Variants in ADSL observed in about 807,000 individuals in gnomAD.
The protein encoded by ADSL is adenylosuccinate lyase.
ADSL carries 44 observed loss-of-function variants against 62.1 expected under a neutral mutation model. The observed-to-expected ratio is 0.71, with a 90% CI of 0.56 to 0.91. ADSL has a LOEUF of 0.91. Ranked by LOEUF, ADSL falls within the 40% of genes least tolerant of loss-of-function variation. ADSL has a pLI of 0.00. For missense variants in ADSL, 531 were observed against 627.4 expected (o/e 0.85, Z 1.64); for synonymous variants, 198 against 220.5 (o/e 0.90, Z 0.90).
intron 2 of ADSL, among the ~76,000 whole-genome samples, chr22:40,377,845 CAAAAA>C (rs35941683): frequency 4.9e-5 from 3 of 61,598 alleles, no homozygotes; most frequent in Non-Finnish European, 7.1e-5. Context: ...GACCCTGTCT[CAAAAA>C]AAAAAAAAAA....
rs199795882 is a variant in ADSL, at chr22:40,367,464, T to G, written c.*942T>G. 8 of 167,742 alleles carry G rather than the reference T, an allele frequency of 4.8e-5. No individual in the cohort carries two copies. The highest frequency in any genetic ancestry group is 1.0e-4 in the Non-Finnish European group (7 of 68,282). The allele number at this position is 167,742 out of a possible 1,614,324, so 10.4% of individuals were successfully genotyped here. On this transcript the variant is annotated 3_prime_UTR_variant, in exon 13 of 13. Coordinates refer to ENST00000623063, the MANE Select transcript of ADSL (RefSeq NM_000026.4). ...ATCTTGTTTTCTTTTTTTACTTGTT[T>G]ACAGTGTAAGCAAGTGCCATTGGAC...
In ADSL at chr22:40,356,514, G is replaced by A. The variant is rs543024866; in HGVS notation, c.482+2187G>A. Among the ~76,000 whole-genome samples the A allele has an allele frequency of 4.1e-5, 6 of 146,742 alleles. No individual in the cohort carries two copies. In the South Asian group the frequency reaches 1.1e-3, roughly 26 times the overall value. The stretch of plus-strand genomic sequence containing the variant: ...CGCGCCGCTGCACTCCAGCCTGGGC[G>A]ACAGAGTGAAATTCCGTCTCCAAAA... On this transcript the variant is annotated intron_variant, in intron 4 of 12. Transcript: ENST00000623063.
At chr22:40,365,455 G>A (rs1441101142) in intron 12 of ADSL, among the ~76,000 whole-genome samples, 1 of 152,126 alleles carries the variant, frequency 6.6e-6, no homozygotes, top group African/African-American at 2.4e-5. Context: ...CGTAACCTCT[G>A]GCATTTACTG....
rs189280660 is a variant in ADSL at position 40,377,757 on chromosome 22, G to T, written c.89+11259G>T. ...GCTACTTGGGAGGCTGAGGTGGGAAGATTACTTGAGCTTGGGAGGTCAAGG... is the reference window on the plus strand; with the variant it reads ...GCTACTTGGGAGGCTGAGGTGGGAATATTACTTGAGCTTGGGAGGTCAAGG... On this transcript the variant is annotated intron_variant, in intron 2 of 2. Coordinates refer to the ADSL transcript ENST00000498234. Among the ~76,000 whole-genome samples, 4 of 151,432 alleles carry T rather than the reference G, an allele frequency of 2.6e-5. No homozygotes were observed. The East Asian group carries it at 7.8e-4, about 30-fold the overall frequency.
At chr22:40,371,058 C>T (rs1321577927), downstream of ADSL, among the ~76,000 whole-genome samples, 3 of 152,242 alleles carry the variant, frequency 2.0e-5, no homozygotes, top group Admixed American at 1.3e-4. Context: ...GCCTGGCTGG[C>T]TCTGGCACCG....
intron 9 of ADSL, among the ~76,000 whole-genome samples, chr22:40,361,963 C>G (rs2146664778): frequency 6.6e-6 from 1 of 152,280 alleles, no homozygotes; most frequent in East Asian, 1.9e-4. Context: ...CAGGAGAAAA[C>G]ACACTTGAGG....
intron 2 of ADSL, among the ~76,000 whole-genome samples, chr22:40,378,506 A>G (rs2047028005): frequency 6.6e-6 from 1 of 152,026 alleles, no homozygotes; most frequent in Non-Finnish European, 1.5e-5. Context: ...AGGCGGGCAG[A>G]TCACTTGAAG....
At chr22:40,352,483 G>A (rs988422223) in intron 2 of ADSL, among the ~76,000 whole-genome samples, 10 of 152,202 alleles carry the variant, frequency 6.6e-5, no homozygotes, top group Admixed American at 3.3e-4. Flanking sequence ...AGCTGAGATC[G>A]CGCCACTGCA....
chr22:40,374,254 T>C (rs779562955), downstream of ADSL, among the ~76,000 whole-genome samples: 2 of 151,998 alleles, frequency 1.3e-5, no homozygotes, highest in Non-Finnish European at 2.9e-5. Flanking sequence ...GCCCAGCCAA[T>C]AGGGCGGTTT....
intron 2 of ADSL, among the ~76,000 whole-genome samples, chr22:40,374,815 G>A (rs1253232528): frequency 3.3e-5 from 5 of 152,208 alleles, no homozygotes; most frequent in African/African-American, 1.2e-4. Context: ...AGCTCAGGAG[G>A]TCGAAGTTGC....
At chr22:40,375,937 A>G (rs770839887) in intron 2 of ADSL, among the ~76,000 whole-genome samples, 1 of 151,672 alleles carries the variant, frequency 6.6e-6, no homozygotes, top group African/African-American at 2.4e-5. Flanking sequence ...CCTACTCAGG[A>G]TGCTGAGGCA....
rs200169254 is a variant in ADSL at position 40,349,883 on chromosome 22, C to A, written c.205C>A (p.Leu69Met). Residue 69 changes from leucine (L) to methionine (M), a missense_variant, in exon 2 of 13, where the codon CTG becomes ATG. By Grantham distance (15) the Leu-to-Met change is conservative. This residue lies in a region of ADSL where 471 missense variants were observed against 592.9 expected (regional missense o/e 0.79). Transcript: ENST00000623063. The part of the protein sequence containing the change: ...DEQIQEMKSN[L>M]ENIDFKMAAE... ...ACAAATCCAGGAGATGAAATCAAAC[C>A]TGGAGAACATCGACTTCAAGATGGC... The A allele has an allele frequency of 1.2e-6, 2 of 1,614,076 alleles. No individual in the cohort carries two copies. Among genetic ancestry groups the A allele is most frequent in the Admixed American group, 3.3e-5 (2 of 59,996 alleles).
At chr22:40,352,433 C>G (rs2044383475) in intron 2 of ADSL, among the ~76,000 whole-genome samples, 1 of 152,096 alleles carries the variant, frequency 6.6e-6, no homozygotes, top group African/African-American at 2.4e-5. Flanking sequence ...GAGGCTGAGG[C>G]AGGAGAATGG....
chr22:40,347,051 C>G (rs574727927), intron 1 of ADSL, among the ~76,000 whole-genome samples: 24 of 152,356 alleles, frequency 1.6e-4, no homozygotes, highest in African/African-American at 4.8e-4. Context: ...TACTGTTGTG[C>G]TCATTATTTC....
At chr22:40,349,083 C>T (rs1162851630) in intron 1 of ADSL, among the ~76,000 whole-genome samples, 1 of 152,042 alleles carries the variant, frequency 6.6e-6, no homozygotes, top group Non-Finnish European at 1.5e-5. Flanking sequence ...CACCATCATG[C>T]CAAGCACTAA....
intron 2 of ADSL, among the ~76,000 whole-genome samples, chr22:40,379,118 CT>C (rs2047137328): frequency 6.6e-6 from 1 of 152,184 alleles, no homozygotes; most frequent in Admixed American, 6.6e-5. Flanking sequence ...AGTGTGGTCT[CT>C]TATTAATTTT....
At chr22:40,351,325 C>T (rs925777613) in intron 2 of ADSL, among the ~76,000 whole-genome samples, 6 of 152,124 alleles carry the variant, frequency 3.9e-5, no homozygotes, top group African/African-American at 1.2e-4. Context: ...CGCCTGCCGC[C>T]ACGCCCAGCT....
intron 2 of ADSL, among the ~76,000 whole-genome samples, chr22:40,386,562 C>CCTTT (rs2048481244): frequency 1.5e-5 from 1 of 68,368 alleles, no homozygotes; most frequent in Non-Finnish European, 2.7e-5. Context: ...AATTTTCTTA[C>CCTTT]TTTTTTTTTT....
At chr22:40,365,270 T>G (rs2146674903) in intron 12 of ADSL, among the ~76,000 whole-genome samples, 2 of 152,200 alleles carry the variant, frequency 1.3e-5, no homozygotes, top group South Asian at 4.1e-4. Flanking sequence ...GCAGTGGTGC[T>G]GAGTGCAGTG....
Sources: allele counts gnomAD v4.1 joint callset (sites outside exome capture counted in the v4.1 genomes callset), GRCh38; gene constraint gnomAD v4.1.1; regional missense constraint gnomAD v4.1.1; transcripts MANE v1.5; gene names NCBI Gene and HGNC (gene_info 2026-07-23, HGNC 2026-07-21).